Variants in SWAP70 observed in about 807,000 individuals in gnomAD.
SWAP70 encodes the protein switch-associated protein 70.
A neutral mutation model predicts 80.2 loss-of-function variants in SWAP70; 34 were observed. The observed-to-expected ratio is 0.42, with a 90% CI of 0.32 to 0.56. SWAP70 has a LOEUF of 0.56. Ranked by LOEUF, SWAP70 falls within the 20% of genes least tolerant of loss-of-function variation. The pLI, the probability that SWAP70 is intolerant of heterozygous loss-of-function variation, is 0.09. For synonymous variants in SWAP70, 239 were observed against 238.5 expected (o/e 1.00, Z -0.02); for missense variants, 578 against 690.7 (o/e 0.84, Z 1.83).
intron 3 of SWAP70, among the ~76,000 whole-genome samples, chr11:9,721,142 T>C (rs947921001): frequency 6.6e-6 from 1 of 152,160 alleles, no homozygotes; most frequent in Non-Finnish European, 1.5e-5. Flanking sequence ...TTTTATATCT[T>C]TCTCTTTTCT....
At chr11:9,671,911 ATAAT>A (rs1269380095) in intron 1 of SWAP70, among the ~76,000 whole-genome samples, 1 of 109,296 alleles carries the variant, frequency 9.1e-6, no homozygotes, top group African/African-American at 3.7e-5. Flanking sequence ...ATTAAATATA[ATAAT>A]TATAATATAA....
intron 1 of SWAP70, among the ~76,000 whole-genome samples, chr11:9,666,205 C>T (rs976441534): frequency 6.6e-6 from 1 of 151,700 alleles, no homozygotes; most frequent in Non-Finnish European, 1.5e-5. Flanking sequence ...CGTGCCTCAG[C>T]CTCCCAAGTA....
rs990874322 is a variant in SWAP70 at position 9,752,676 on chromosome 11, G to A, written c.*2706G>A. On this transcript the variant is annotated 3_prime_UTR_variant, in exon 12 of 12. Coordinates refer to ENST00000318950, the MANE Select transcript of SWAP70 (RefSeq NM_015055.4). ...TACAGAAAATTTCAAGAGTGTTTGA[G>A]TGCTTGTCATCAGGTGTTTTCCTTA... is the stretch of plus-strand genomic sequence containing the variant. 4 of 152,200 alleles carry A rather than the reference G, an allele frequency of 2.6e-5. No individual in the cohort carries two copies. The highest frequency in any genetic ancestry group is 9.7e-5 in the African/African-American group (4 of 41,432). 9.4% of individuals were successfully genotyped at this position (152,200 alleles called of 1,614,324 possible).
intron 7 of SWAP70, among the ~76,000 whole-genome samples, chr11:9,735,329 A>G (rs955132787): frequency 1.3e-5 from 2 of 152,234 alleles, no homozygotes; most frequent in African/African-American, 4.8e-5. Flanking sequence ...TATCAGTATA[A>G]AGAGAGTTAC....
intron 1 of SWAP70, among the ~76,000 whole-genome samples, chr11:9,669,892 C>G (rs1424816456): frequency 6.6e-6 from 1 of 152,072 alleles, no homozygotes; most frequent in East Asian, 1.9e-4. Flanking sequence ...CTTTGGGAGG[C>G]TGAAGTGAGT....
chr11:9,680,320 GA>G (rs1042674899), intron 1 of SWAP70, among the ~76,000 whole-genome samples: 1 of 152,190 alleles, frequency 6.6e-6, no homozygotes, highest in Non-Finnish European at 1.5e-5. Flanking sequence ...TTGACTGCTT[GA>G]AAATTCATGA....
chr11:9,698,406 T>TC (rs1850789153), intron 2 of SWAP70, among the ~76,000 whole-genome samples: 1 of 150,978 alleles, frequency 6.6e-6, no homozygotes. Flanking sequence ...TGACCTGGGT[T>TC]CTTTTTTTTG....
intron 1 of SWAP70, among the ~76,000 whole-genome samples, chr11:9,689,881 G>A (rs370730662): frequency 2.6e-5 from 4 of 152,192 alleles, no homozygotes; most frequent in African/African-American, 9.6e-5. Context: ...AGCTGATGGG[G>A]TGGGGCTGGG....
chr11:9,687,606 G>A (rs34780673), intron 1 of SWAP70, among the ~76,000 whole-genome samples: 14,519 of 152,154 alleles, frequency 0.095, 1,247 homozygotes, highest in African/African-American at 0.22. Flanking sequence ...TTAAAAAGGT[G>A]GTTCAGTTAG....
chr11:9,715,392 C>T (rs1486667905), intron 3 of SWAP70, among the ~76,000 whole-genome samples: 4 of 152,174 alleles, frequency 2.6e-5, no homozygotes, highest in African/African-American at 9.7e-5. Context: ...GTACTGGCCA[C>T]TCCATGAGGA....
chr11:9,664,426 C>T, intron 1 of SWAP70, 148 bp downstream of exon 1: 1 of 847,278 alleles, frequency 1.2e-6, no homozygotes, highest in Non-Finnish European at 1.8e-6. Flanking sequence ...CGGAGTGGGT[C>T]TGAGACCGGG....
At chr11:9,719,081 G>A (rs1460035677) in intron 3 of SWAP70, among the ~76,000 whole-genome samples, 3 of 128,108 alleles carry the variant, frequency 2.3e-5, no homozygotes, top group East Asian at 2.1e-4. Context: ...GGGACAGAGC[G>A]AGACACTGAA....
At chr11:9,749,738 T>C in intron 11 of SWAP70, 126 bp from the exon 12 acceptor site, 1 of 615,528 alleles carries the variant, frequency 1.6e-6, no homozygotes, top group Non-Finnish European at 2.9e-6. Flanking sequence ...TTAGCTGGTA[T>C]GACATTTATG....
At chr11:9,705,096 T>C (rs199683973) in intron 2 of SWAP70, among the ~76,000 whole-genome samples, 7,884 of 141,406 alleles carry the variant, frequency 0.056, 696 homozygotes, top group African/African-American at 0.15. Flanking sequence ...ACTGGTGATA[T>C]GTATATACTT....
At chr11:9,697,279 T>A (rs909921937) in intron 2 of SWAP70, among the ~76,000 whole-genome samples, 15 of 152,086 alleles carry the variant, frequency 9.9e-5, no homozygotes, top group African/African-American at 1.7e-4. Flanking sequence ...GGATTCTTTT[T>A]TTTTTTTGAG....
In SWAP70 at chr11:9,694,166, C is replaced by T; in HGVS notation, c.120C>T (p.Cys40=). 1 of 1,608,328 alleles carries T rather than the reference C, an allele frequency of 6.2e-7. No individual in the cohort carries two copies. Among genetic ancestry groups the T allele is most frequent in the South Asian group, 1.1e-5 (1 of 90,142 alleles). The part of the protein sequence containing the change: ...SQLKVLSHNL[C]TVLKVPHDPV... ...TGCAGGTCCTTTCCCATAACCTGTG[C>T]ACGGTGCTGAAGGTTCCTCATGACC... Residue 40 remains cysteine, a synonymous_variant, in exon 2 of 12, where the codon TGC becomes TGT. Coordinates refer to ENST00000318950, the MANE Select transcript of SWAP70 (RefSeq NM_015055.4).
intron 1 of SWAP70, among the ~76,000 whole-genome samples, chr11:9,688,952 G>A (rs1329797252): frequency 6.6e-6 from 1 of 152,016 alleles, no homozygotes. Context: ...GAATTTTCTG[G>A]TAATTTGCCA....
intron 2 of SWAP70, 97 bp from the exon 3 acceptor site, chr11:9,713,369 A>G: frequency 8.0e-7 from 1 of 1,256,166 alleles, no homozygotes; most frequent in African/African-American, 1.5e-5. Context: ...ATTGATTAAA[A>G]TGGGAGCCAA....
At chr11:9,664,364 C>A (rs987264277) in intron 1 of SWAP70, 86 bp downstream of exon 1, 1 of 1,420,968 alleles carries the variant, frequency 7.0e-7, no homozygotes. Context: ...CCTGGCGGGC[C>A]GTGACCGCAG....
Sources: allele counts gnomAD v4.1 joint callset (sites outside exome capture counted in the v4.1 genomes callset), GRCh38; gene constraint gnomAD v4.1.1; transcripts MANE v1.5; gene names NCBI Gene and HGNC (gene_info 2026-07-23, HGNC 2026-07-21).